Variants in PTPN4 observed in about 807,000 individuals in gnomAD.
PTPN4 encodes the protein tyrosine-protein phosphatase non-receptor type 4.
Under a neutral mutation model 135.5 loss-of-function variants are expected in PTPN4, and 49 were observed. The observed-to-expected ratio is 0.36, with a 90% CI of 0.29 to 0.46. The LOEUF is 0.46. Among genes scored for constraint, PTPN4 ranks in the 20% least tolerant of loss-of-function variants. The pLI is 1.00. For missense variants in PTPN4, 860 were observed against 1,101.0 expected (o/e 0.78, Z 3.10); for synonymous variants, 333 against 369.9 (o/e 0.90, Z 1.14).
intron 26 of PTPN4, among the ~76,000 whole-genome samples, chr2:119,969,614 A>G (rs1397334384): frequency 3.1e-5 from 4 of 130,572 alleles, no homozygotes; most frequent in Non-Finnish European, 4.6e-5. Context: ...GCTGGAGTGC[A>G]GTGGCGCGAT....
intron 15 of PTPN4, among the ~76,000 whole-genome samples, chr2:119,937,728 C>A (rs1179061701): frequency 1.3e-5 from 2 of 152,230 alleles, no homozygotes; most frequent in East Asian, 3.9e-4. Context: ...ATAGTACACT[C>A]GAATATAACA....
At chr2:119,792,688 G>A (rs1225846711) in intron 1 of PTPN4, among the ~76,000 whole-genome samples, 1 of 152,182 alleles carries the variant, frequency 6.6e-6, no homozygotes, top group Non-Finnish European at 1.5e-5. Context: ...CGGGGAACCA[G>A]CCCCCAATAT....
intron 18 of PTPN4, among the ~76,000 whole-genome samples, chr2:119,950,373 A>G (rs943880612): frequency 3.9e-5 from 6 of 152,358 alleles, no homozygotes; most frequent in African/African-American, 1.4e-4. Flanking sequence ...GAATGAGCAT[A>G]ACTCTAAATT....
chr2:119,955,666 G>A (rs1035947363), intron 20 of PTPN4, among the ~76,000 whole-genome samples: 1 of 152,092 alleles, frequency 6.6e-6, no homozygotes, highest in Non-Finnish European at 1.5e-5. Context: ...GGCCAGGTGT[G>A]GTGGCTCACG....
chr2:119,861,686 A>G (rs1677762563), intron 2 of PTPN4, among the ~76,000 whole-genome samples: 1 of 152,044 alleles, frequency 6.6e-6, no homozygotes, highest in Admixed American at 6.5e-5. Context: ...TGTCATTATA[A>G]TTTCCCATTT....
chr2:119,956,513 A>G (rs1679288305), intron 20 of PTPN4, among the ~76,000 whole-genome samples: 1 of 152,210 alleles, frequency 6.6e-6, no homozygotes, highest in Non-Finnish European at 1.5e-5. Context: ...TTCTTAGTTC[A>G]TAGACTGTAA....
At chr2:119,932,685 A>C in intron 14 of PTPN4, 136 bp downstream of exon 14, 2 of 1,074,012 alleles carry the variant, frequency 1.9e-6, no homozygotes, top group Non-Finnish European at 2.7e-6. Context: ...TTGTTGCTCC[A>C]GAGCATTATT....
In PTPN4 at chr2:119,979,174, T is replaced by C. The variant is rs1356306912; in HGVS notation, c.*2104T>C. ...GGGGTCTACACATTAAATGACTGTT[T>C]TGGCAGTTTTTCACCTGAATTTAAA... On this transcript the variant is annotated 3_prime_UTR_variant, in exon 27 of 27. Coordinates refer to ENST00000263708, the MANE Select transcript of PTPN4 (RefSeq NM_002830.4). 1 of 152,144 alleles carries C rather than the reference T, an allele frequency of 6.6e-6. No homozygotes were observed. The allele number at this position is 152,144 out of a possible 1,614,324, so 9.4% of individuals were successfully genotyped here.
Position 119,806,480 on chromosome 2 carries a change from C to T in PTPN4, c.-17-3357C>T, listed in dbSNP as rs149485490. Among the ~76,000 whole-genome samples the T allele has an allele frequency of 9.6e-3, 1,460 of 152,106 alleles. 10 individuals are homozygous for T. Among genetic ancestry groups the T allele is most frequent in the Middle Eastern group, 0.017 (5 of 294 alleles). ...CAATAAAGATCAAAAGAGACAAAGA[C>T]GGCCATTACATAATGGTAAAGGGAT... On this transcript the variant is annotated intron_variant, in intron 1 of 26. Transcript: ENST00000263708.
chr2:119,903,134 G>A (rs1450042048), intron 10 of PTPN4, among the ~76,000 whole-genome samples: 3 of 152,104 alleles, frequency 2.0e-5, no homozygotes, highest in African/African-American at 7.2e-5. Context: ...AGTGCAGTGT[G>A]CCAGGGAGGC....
chr2:119,913,359 T>G (rs1452695502), intron 10 of PTPN4, among the ~76,000 whole-genome samples: 1 of 152,224 alleles, frequency 6.6e-6, no homozygotes, highest in Non-Finnish European at 1.5e-5. Flanking sequence ...ATTTTTATTA[T>G]AACCATTCTA....
intron 1 of PTPN4, among the ~76,000 whole-genome samples, chr2:119,791,973 T>TTTTTG (rs888057424): frequency 6.6e-6 from 1 of 152,178 alleles, no homozygotes; most frequent in Non-Finnish European, 1.5e-5. Flanking sequence ...TGTTCGTGTT[T>TTTTTG]TTTTGTTTTG....
At chr2:119,867,296 T>A (rs1340733370) in intron 3 of PTPN4, among the ~76,000 whole-genome samples, 1 of 152,096 alleles carries the variant, frequency 6.6e-6, no homozygotes, top group Non-Finnish European at 1.5e-5. Context: ...TGGGAGATTG[T>A]TGGAATAAAG....
At chr2:119,878,336 A>G (rs1428556848) in intron 5 of PTPN4, among the ~76,000 whole-genome samples, 1 of 152,210 alleles carries the variant, frequency 6.6e-6, no homozygotes, top group Non-Finnish European at 1.5e-5. Context: ...GTAATGAGTT[A>G]TTTTACAAAG....
chr2:119,925,348 A>G (rs1326652189), intron 12 of PTPN4, among the ~76,000 whole-genome samples: 1 of 152,220 alleles, frequency 6.6e-6, no homozygotes, highest in Non-Finnish European at 1.5e-5. Context: ...ACAGGACAGG[A>G]CTGGGCCTAT....
At chr2:119,857,528 C>T (rs1390683576) in intron 2 of PTPN4, among the ~76,000 whole-genome samples, 1 of 147,920 alleles carries the variant, frequency 6.8e-6, no homozygotes, top group African/African-American at 2.5e-5. Context: ...AGTGAGACTC[C>T]ATCTCAAAAA....
At chr2:119,845,339 C>T (rs1407016115) in intron 2 of PTPN4, among the ~76,000 whole-genome samples, 2 of 150,178 alleles carry the variant, frequency 1.3e-5, no homozygotes, top group Admixed American at 6.7e-5. Flanking sequence ...TTAAATTCAC[C>T]AGGGAAACCA....
intron 3 of PTPN4, among the ~76,000 whole-genome samples, chr2:119,871,664 T>C (rs1677912063): frequency 2.0e-5 from 3 of 152,134 alleles, no homozygotes; most frequent in Admixed American, 2.0e-4. Context: ...AGAGCCATAA[T>C]AAAGGACTTT....
intron 5 of PTPN4, among the ~76,000 whole-genome samples, chr2:119,880,790 C>G (rs956582943): frequency 6.6e-6 from 1 of 151,924 alleles, no homozygotes; most frequent in Non-Finnish European, 1.5e-5. Flanking sequence ...ATATTATGCA[C>G]TAAGCCTCAC....
Sources: allele counts gnomAD v4.1 joint callset (sites outside exome capture counted in the v4.1 genomes callset), GRCh38; gene constraint gnomAD v4.1.1; transcripts MANE v1.5; gene names NCBI Gene and HGNC (gene_info 2026-07-23, HGNC 2026-07-21).